The following IGSF11 variants were observed in gnomAD, a reference collection of about 807,000 sequenced individuals.
The protein encoded by IGSF11 is immunoglobulin superfamily member 11.
A neutral mutation model predicts 41.0 loss-of-function variants in IGSF11; 22 were observed. That is an observed-to-expected ratio of 0.54 (90% CI 0.38 to 0.77). The LOEUF is 0.77. Among genes scored for constraint, IGSF11 ranks in the 30% least tolerant of loss-of-function variants. The probability of loss-of-function intolerance (pLI) is 0.00; values close to 1 mark genes in which losing one functional copy is unlikely to be tolerated. For synonymous variants in IGSF11, 219 were observed against 201.3 expected, an observed-to-expected ratio of 1.09 and a Z score of -0.74; for missense variants, 444 against 530.8, an observed-to-expected ratio of 0.84 and a Z score of 1.61.
intron 1 of IGSF11, among the ~76,000 whole-genome samples, chr3:118,964,844 T>C (rs565040784): frequency 6.6e-6 from 1 of 152,334 alleles, no homozygotes; most frequent in Admixed American, 6.5e-5. Context: ...CAGCATTCCA[T>C]AGCTCATAGT....
intron 1 of IGSF11, among the ~76,000 whole-genome samples, chr3:119,137,743 A>C (rs924254641): frequency 5.9e-5 from 9 of 152,218 alleles, no homozygotes; most frequent in Admixed American, 3.9e-4. Flanking sequence ...GCTTTTGCAC[A>C]GCCAAAGAAA....
intron 4 of IGSF11, among the ~76,000 whole-genome samples, chr3:118,907,571 CTAAA>C (rs1458416051): frequency 2.0e-5 from 3 of 152,098 alleles, no homozygotes; most frequent in Non-Finnish European, 4.4e-5. Context: ...CAGAAAGGTG[CTAAA>C]TAAAAGTGAT....
At chr3:119,106,714 T>C (rs12493002), upstream of IGSF11, among the ~76,000 whole-genome samples, 11,305 of 152,136 alleles carry the variant, frequency 0.074, 548 homozygotes, top group Admixed American at 0.16. Flanking sequence ...ATCAGGTATA[T>C]CTCCTAATGC....
intron 1 of IGSF11, chr3:118,983,276 C>G (rs1472738457): frequency 6.6e-6 from 1 of 152,140 alleles, no homozygotes; most frequent in Non-Finnish European, 1.5e-5. Context: ...ATATCATCTC[C>G]AGTTTACAAA....
At chr3:119,028,962 T>G (rs988978680) in intron 1 of IGSF11, among the ~76,000 whole-genome samples, 1 of 151,900 alleles carries the variant, frequency 6.6e-6, no homozygotes, top group Non-Finnish European at 1.5e-5. Flanking sequence ...GGAGGCTGAG[T>G]GAAGGGTGTG....
intron 1 of IGSF11, among the ~76,000 whole-genome samples, chr3:119,086,604 C>A (rs780480451): frequency 6.6e-5 from 10 of 152,094 alleles, no homozygotes; most frequent in African/African-American, 1.4e-4. Context: ...GAGATGGGGG[C>A]CTATTTTCAG....
chr3:118,956,426 C>G (rs776582836), intron 1 of IGSF11, among the ~76,000 whole-genome samples: 7 of 152,186 alleles, frequency 4.6e-5, no homozygotes, highest in Admixed American at 1.3e-4. Flanking sequence ...TTAATCATGT[C>G]TAGCTTTTGA....
intron 1 of IGSF11, among the ~76,000 whole-genome samples, chr3:119,077,227 T>C (rs1330424244): frequency 6.6e-6 from 1 of 151,620 alleles, no homozygotes; most frequent in Non-Finnish European, 1.5e-5. Flanking sequence ...ACGAGAACAC[T>C]TGGACACAGG....
At chr3:119,080,483 C>T (rs940154534) in intron 1 of IGSF11, among the ~76,000 whole-genome samples, 9 of 152,158 alleles carry the variant, frequency 5.9e-5, no homozygotes, top group African/African-American at 2.2e-4. Flanking sequence ...AGATTTTCTT[C>T]TCTTATTTCT....
intron 1 of IGSF11, among the ~76,000 whole-genome samples, chr3:119,134,477 G>A (rs1170189569): frequency 6.6e-6 from 1 of 152,086 alleles, no homozygotes; most frequent in Non-Finnish European, 1.5e-5. Context: ...GCTACAAAGA[G>A]AATAAAATAC....
At chr3:119,083,278 C>T (rs2076614379) in intron 1 of IGSF11, among the ~76,000 whole-genome samples, 1 of 151,836 alleles carries the variant, frequency 6.6e-6, no homozygotes, top group South Asian at 2.1e-4. Context: ...AGCCACCATG[C>T]CCAGCTATTT....
intron 1 of IGSF11, among the ~76,000 whole-genome samples, chr3:119,138,173 A>C (rs1415985350): frequency 1.3e-5 from 2 of 151,738 alleles, no homozygotes; most frequent in Non-Finnish European, 2.9e-5. Context: ...AAAAAAAAAA[A>C]AACTAAAAAT....
intron 1 of IGSF11, among the ~76,000 whole-genome samples, chr3:119,102,656 A>G (rs944132092): frequency 6.6e-6 from 1 of 151,592 alleles, no homozygotes; most frequent in Non-Finnish European, 1.5e-5. Flanking sequence ...TATATATTGG[A>G]CCTCCTCATC....
chr3:118,981,332 G>C (rs1349953514), intron 1 of IGSF11, among the ~76,000 whole-genome samples: 1 of 152,024 alleles, frequency 6.6e-6, no homozygotes, highest in Non-Finnish European at 1.5e-5. Flanking sequence ...ACCATGCCTG[G>C]CTAATTTTTG....
intron 1 of IGSF11, among the ~76,000 whole-genome samples, chr3:119,029,277 C>CCCCGA (rs1553716858): frequency 2.1e-5 from 3 of 146,336 alleles, no homozygotes; most frequent in Non-Finnish European, 3.0e-5. Context: ...CACACACACC[C>CCCCGA]GAGAGAGAGA....
intron 1 of IGSF11, among the ~76,000 whole-genome samples, chr3:119,088,194 C>CA (rs1025088243): frequency 6.7e-6 from 1 of 149,912 alleles, no homozygotes; most frequent in African/African-American, 2.5e-5. Flanking sequence ...TCAAAAAATT[C>CA]AAAAAAATTA....
intron 1 of IGSF11, among the ~76,000 whole-genome samples, chr3:119,116,749 T>A (rs904403874): frequency 1.3e-5 from 2 of 152,218 alleles, no homozygotes; most frequent in Non-Finnish European, 2.9e-5. Context: ...CACCAATTAC[T>A]CTTGCAAATA....
chr3:119,040,731 T>A (rs1326032909), intron 1 of IGSF11, among the ~76,000 whole-genome samples: 2 of 152,208 alleles, frequency 1.3e-5, no homozygotes, highest in African/African-American at 4.8e-5. Context: ...ATGACACATG[T>A]AGATACTGAA....
At chr3:119,111,166 G>C (rs560157607) in intron 1 of IGSF11, among the ~76,000 whole-genome samples, 1 of 152,230 alleles carries the variant, frequency 6.6e-6, no homozygotes, top group South Asian at 2.1e-4. Context: ...AGTTCTCCTG[G>C]ATAATATCCT....
Sources: gnomAD v4.1 joint callset for allele counts (sites outside exome capture counted in the v4.1 genomes callset) on GRCh38, gnomAD v4.1.1 for gene constraint, MANE v1.5 for transcripts, NCBI Gene and HGNC (gene_info 2026-07-23, HGNC 2026-07-21) for gene names.